Variants in NALF1 observed in about 807,000 individuals in gnomAD.
NALF1 encodes the protein family with sequence similarity 155 member A.
A neutral mutation model predicts 48.4 loss-of-function variants in NALF1; 3 were observed. The ratio of observed to expected loss-of-function variants is 0.06; its 90% CI spans 0.03 to 0.16. NALF1 has a LOEUF of 0.16. Among genes scored for constraint, NALF1 ranks in the 10% least tolerant of loss-of-function variants. The pLI, the probability that NALF1 is intolerant of heterozygous loss-of-function variation, is 1.00. For missense variants in NALF1, 526 were observed against 571.5 expected, an observed-to-expected ratio of 0.92 and a Z score of 0.81; for synonymous variants, 262 against 245.7, an observed-to-expected ratio of 1.07 and a Z score of -0.62.
intron 1 of NALF1, among the ~76,000 whole-genome samples, chr13:107,498,589 A>G (rs920026297): frequency 6.6e-6 from 1 of 152,168 alleles, no homozygotes; most frequent in Non-Finnish European, 1.5e-5. Flanking sequence ...GGTGGAAAGA[A>G]GACAGGGGGA....
chr13:107,422,154 C>T (rs1349020214), intron 1 of NALF1, among the ~76,000 whole-genome samples: 1 of 152,142 alleles, frequency 6.6e-6, no homozygotes, highest in Non-Finnish European at 1.5e-5. Flanking sequence ...AAGCATTCAT[C>T]AAATTCCTCT....
intron 1 of NALF1, among the ~76,000 whole-genome samples, chr13:107,789,628 A>C (rs1273895927): frequency 6.6e-6 from 1 of 152,198 alleles, no homozygotes; most frequent in Non-Finnish European, 1.5e-5. Flanking sequence ...TTAAGCATCA[A>C]AATCATACTA....
chr13:107,461,216 C>T (rs954973614), intron 1 of NALF1, among the ~76,000 whole-genome samples: 1 of 152,060 alleles, frequency 6.6e-6, no homozygotes, highest in African/African-American at 2.4e-5. Context: ...TATATGCTTT[C>T]TTCTAAAAAT....
chr13:107,556,272 C>CATATATAT lies in NALF1; in HGVS notation c.915+309402_915+309409dup, dbSNP rs56407804. On this transcript the variant is annotated intron_variant, in intron 1 of 2. Transcript: ENST00000375915. ...TGCCTCTCCTCTCTCTCTCTCTCAA[C>CATATATAT]ATATATATATATATATATATATATA... Among the ~76,000 whole-genome samples the CATATATAT allele has an allele frequency of 2.6e-3, 347 of 131,320 alleles. 2 individuals are homozygous for CATATATAT. Among genetic ancestry groups the CATATATAT allele is most frequent in the South Asian group, 0.013 (51 of 3,882 alleles). The allele number at this position is 131,320 out of a possible 152,430, so 86.2% of individuals were successfully genotyped here.
intron 1 of NALF1, among the ~76,000 whole-genome samples, chr13:107,281,713 G>A (rs1047127659): frequency 1.3e-5 from 2 of 152,076 alleles, no homozygotes; most frequent in African/African-American, 2.4e-5. Flanking sequence ...GAAGGAAAGA[G>A]GTTTAATTGA....
chr13:107,245,915 G>T (rs1028545727), intron 1 of NALF1, among the ~76,000 whole-genome samples: 2 of 152,008 alleles, frequency 1.3e-5, no homozygotes, highest in South Asian at 2.1e-4. Flanking sequence ...GGTTCCTCCT[G>T]AATGAGCACC....
Position 107,170,679 on chromosome 13 carries a change from A to AG in NALF1, c.1194dup (p.Cys399LeufsTer59). 1.2e-6 allele frequency: 2 copies of AG among 1,614,254 alleles called. No individual in the cohort carries two copies. The highest frequency in any genetic ancestry group is 1.7e-6 in the Non-Finnish European group (2 of 1,180,048). On this transcript the variant is annotated frameshift_variant, in exon 3 of 3. Coordinates refer to ENST00000375915, the MANE Select transcript of NALF1 (RefSeq NM_001080396.3). LOFTEE classifies it high-confidence loss of function. ...GACACTGTGAGCGATGTCCTGTGAC[A>AG]GGAGCCACTTTTCTCTACGGTCCCT...
chr13:107,492,084 C>A (rs989369086), intron 1 of NALF1, among the ~76,000 whole-genome samples: 21 of 140,662 alleles, frequency 1.5e-4, no homozygotes, highest in African/African-American at 5.5e-4. Context: ...ACTCTGTCGC[C>A]CAGGCTGGAG....
chr13:107,829,802 G>A (rs1490544081), intron 1 of NALF1, among the ~76,000 whole-genome samples: 1 of 152,094 alleles, frequency 6.6e-6, no homozygotes, highest in Non-Finnish European at 1.5e-5. Context: ...CTTATTCACA[G>A]CAGTCTATAA....
At chr13:107,488,593 T>C (rs928015760) in intron 1 of NALF1, among the ~76,000 whole-genome samples, 5 of 152,130 alleles carry the variant, frequency 3.3e-5, no homozygotes, top group African/African-American at 9.7e-5. Context: ...TTAAAAACTC[T>C]TGATAAACTA....
At chr13:107,211,262 G>A (rs978163519) in intron 1 of NALF1, among the ~76,000 whole-genome samples, 3 of 152,142 alleles carry the variant, frequency 2.0e-5, no homozygotes, top group Non-Finnish European at 2.9e-5. Context: ...TGGACTTTGA[G>A]AGGCAGAGAA....
intron 2 of NALF1, among the ~76,000 whole-genome samples, chr13:107,183,329 A>G (rs991530725): frequency 1.3e-5 from 2 of 152,200 alleles, no homozygotes; most frequent in East Asian, 1.9e-4. Context: ...TGAACATTAA[A>G]AAGTTAGGAA....
At position 107,724,336 on chromosome 13, in the gene NALF1, A is replaced by C. The variant is rs190124625; in HGVS notation, c.915+141346T>G. Among the ~76,000 whole-genome samples, 31 of 152,340 alleles carry C rather than the reference A, an allele frequency of 2.0e-4. No homozygotes were observed. In the East Asian group the frequency reaches 5.6e-3, roughly 27 times the overall value. On this transcript the variant is annotated intron_variant, in intron 1 of 2. Transcript: ENST00000375915. ...TGCTAAAGTTTTACCTAATACAAAA[A>C]AAAATGATTAAAAAAGAAATCACCT...
chr13:107,687,004 TGTTTATTGCA>T (rs1881447162), intron 1 of NALF1, among the ~76,000 whole-genome samples: 1 of 152,348 alleles, frequency 6.6e-6, no homozygotes, highest in African/African-American at 2.4e-5. Context: ...TGCAATCCTA[TGTTTATTGCA>T]GCCTTATTCA....
intron 1 of NALF1, among the ~76,000 whole-genome samples, chr13:107,647,893 A>T (rs1003080488): frequency 6.6e-6 from 1 of 152,140 alleles, no homozygotes; most frequent in Non-Finnish European, 1.5e-5. Flanking sequence ...CTACCTAGGC[A>T]TTTATTTTTT....
intron 1 of NALF1, among the ~76,000 whole-genome samples, chr13:107,572,139 T>C (rs1461384374): frequency 6.6e-6 from 1 of 152,154 alleles, no homozygotes; most frequent in African/African-American, 2.4e-5. Flanking sequence ...CTTGCATAAA[T>C]ACATTCATAT....
intron 1 of NALF1, among the ~76,000 whole-genome samples, chr13:107,590,839 A>G (rs901442708): frequency 3.3e-5 from 5 of 151,916 alleles, no homozygotes; most frequent in African/African-American, 1.2e-4. Flanking sequence ...CTCCTGCTCA[A>G]TCATCATCCC....
chr13:107,522,996 A>G (rs1208539176), intron 1 of NALF1, among the ~76,000 whole-genome samples: 3 of 152,126 alleles, frequency 2.0e-5, no homozygotes, highest in Non-Finnish European at 4.4e-5. Flanking sequence ...TAAGCTCAGT[A>G]TGTCTAACTG....
At chr13:107,426,258 C>G (rs551483471) in intron 1 of NALF1, among the ~76,000 whole-genome samples, 1 of 152,264 alleles carries the variant, frequency 6.6e-6, no homozygotes, top group African/African-American at 2.4e-5. Context: ...GAATCAAGAT[C>G]AAGTTTTTGT....
Sources: allele counts gnomAD v4.1 joint callset (sites outside exome capture counted in the v4.1 genomes callset), GRCh38; gene constraint gnomAD v4.1.1; transcripts MANE v1.5; gene names NCBI Gene and HGNC (gene_info 2026-07-23, HGNC 2026-07-21).